The following PCSK2 variants were observed in gnomAD, a reference collection of about 807,000 sequenced individuals.
PCSK2 encodes the protein proprotein convertase subtilisin/kexin type 2.
A neutral mutation model predicts 69.7 loss-of-function variants in PCSK2; 14 were observed. The observed-to-expected ratio is 0.20, with a 90% confidence interval of 0.13 to 0.31. The LOEUF is 0.31. Among genes scored for constraint, PCSK2 ranks in the 10% least tolerant of loss-of-function variants. PCSK2 has a pLI of 1.00. For missense variants in PCSK2, 544 were observed against 842.5 expected, an observed-to-expected ratio of 0.65 and a Z score of 4.39; for synonymous variants, 307 against 320.7, an observed-to-expected ratio of 0.96 and a Z score of 0.46.
intron 2 of PCSK2, among the ~76,000 whole-genome samples, chr20:17,355,438 A>T (rs1234675243): frequency 6.6e-6 from 1 of 152,180 alleles, no homozygotes; most frequent in African/African-American, 2.4e-5. Context: ...AGTAGAGCAG[A>T]TAAAGGCCTC....
chr20:17,403,489 T>G (rs1005137813), intron 5 of PCSK2, among the ~76,000 whole-genome samples: 1 of 152,220 alleles, frequency 6.6e-6, no homozygotes, highest in African/African-American at 2.4e-5. Context: ...TGGACTGGGC[T>G]ATTTTGCTTC....
At chr20:17,336,444 G>A (rs545073000) in intron 2 of PCSK2, among the ~76,000 whole-genome samples, 5 of 152,278 alleles carry the variant, frequency 3.3e-5, no homozygotes, top group African/African-American at 2.4e-5. Context: ...AGCACTGTGC[G>A]AATGTCACTG....
In PCSK2 at chr20:17,227,112, G is replaced by C. The variant is rs1053164780; in HGVS notation, c.-194G>C. 5.6e-5 allele frequency: 31 copies of C among 555,776 alleles called. No homozygotes were observed. The highest frequency in any genetic ancestry group is 3.9e-4 in the African/African-American group (21 of 53,244). The allele number at this position is 555,776 out of a possible 1,614,324, so 34.4% of individuals were successfully genotyped here. On this transcript the variant is annotated 5_prime_UTR_variant, in exon 1 of 12. Transcript: ENST00000262545. ...CGCGCGCCGGGCCGCCTGACTGCAC[G>C]GCTTCCCCTCCAGCCAGATGCTGGA... is the stretch of plus-strand genomic sequence containing the variant.
At chr20:17,238,565 G>A (rs774360815) in intron 1 of PCSK2, among the ~76,000 whole-genome samples, 7 of 151,984 alleles carry the variant, frequency 4.6e-5, no homozygotes, top group African/African-American at 9.7e-5. Flanking sequence ...GCTCATTGGC[G>A]GTGGTTTAGA....
chr20:17,433,241 T>C (rs2032405006), intron 7 of PCSK2, among the ~76,000 whole-genome samples: 1 of 152,248 alleles, frequency 6.6e-6, no homozygotes, highest in Non-Finnish European at 1.5e-5. Flanking sequence ...CTTTCACATA[T>C]TATTATCACT....
intron 2 of PCSK2, among the ~76,000 whole-genome samples, chr20:17,355,585 A>G (rs958973108): frequency 2.0e-5 from 3 of 152,186 alleles, no homozygotes; most frequent in African/African-American, 7.2e-5. Context: ...TTCCAGGTGG[A>G]GAACTATACA....
intron 2 of PCSK2, among the ~76,000 whole-genome samples, chr20:17,282,010 C>T (rs1568583753): frequency 6.6e-6 from 1 of 152,142 alleles, no homozygotes; most frequent in Non-Finnish European, 1.5e-5. Flanking sequence ...TTCACACAAT[C>T]CATAACAGTT....
intron 2 of PCSK2, among the ~76,000 whole-genome samples, chr20:17,292,836 T>G (rs1403793382): frequency 6.6e-6 from 1 of 152,130 alleles, no homozygotes; most frequent in Non-Finnish European, 1.5e-5. Context: ...TTTTTTTTTA[T>G]TTTTGTTTGA....
chr20:17,240,468 A>C (rs960876804), intron 1 of PCSK2, among the ~76,000 whole-genome samples: 1 of 152,120 alleles, frequency 6.6e-6, no homozygotes, highest in African/African-American at 2.4e-5. Flanking sequence ...TAGACCAAGC[A>C]TGCTTCCACT....
intron 2 of PCSK2, among the ~76,000 whole-genome samples, chr20:17,311,310 G>GA (rs796544012): frequency 9.9e-5 from 15 of 152,040 alleles, no homozygotes; most frequent in South Asian, 4.2e-4. Context: ...TCCTGTTTCC[G>GA]AAAAAAATTC....
At chr20:17,340,301 C>CTA (rs140731) in intron 2 of PCSK2, among the ~76,000 whole-genome samples, 140,091 of 152,152 alleles carry the variant, frequency 0.92, 64,590 homozygotes, top group Middle Eastern at 0.96. Flanking sequence ...CCCAAACTAA[C>CTA]TAGCTTTATT....
chr20:17,416,961 G>A (rs958186292), intron 6 of PCSK2, among the ~76,000 whole-genome samples: 1 of 152,102 alleles, frequency 6.6e-6, no homozygotes, highest in Admixed American at 6.5e-5. Flanking sequence ...TCATAGGTGG[G>A]AATTGAACAA....
intron 2 of PCSK2, among the ~76,000 whole-genome samples, chr20:17,339,549 T>C (rs1990450517): frequency 6.6e-6 from 1 of 152,170 alleles, no homozygotes; most frequent in Non-Finnish European, 1.5e-5. Context: ...GAATTTTGTC[T>C]CTATCACTGC....
At chr20:17,439,914 G>T (rs776013365) in intron 8 of PCSK2, among the ~76,000 whole-genome samples, 1 of 152,174 alleles carries the variant, frequency 6.6e-6, no homozygotes, top group East Asian at 1.9e-4. Flanking sequence ...CAGCTGTCAC[G>T]GGTCCCAGGG....
At chr20:17,465,069 C>T in intron 10 of PCSK2, 1 of 500,968 alleles carries the variant, frequency 2.0e-6, no homozygotes, top group South Asian at 2.5e-5. Context: ...TTTAGCCATT[C>T]CGGTGTGTGT....
At position 17,453,867 on chromosome 20, in the gene PCSK2, C is replaced by T. The variant is rs1020319388; in HGVS notation, c.1011C>T (p.Asp337=). Residue 337 remains aspartate, a synonymous_variant, in exon 9 of 12, where the codon GAC becomes GAT. Transcript: ENST00000262545. The surrounding 1 kb of genome is among the most constrained non-coding windows in gnomAD (Gnocchi z 4.0). ...TCTCCATCAACTCAGCCATCAACGA[C>T]GGCAGGACTGCCCTGTACGACGAGA... ...WTISINSAIN[D]GRTALYDESC... The T allele has an allele frequency of 2.5e-6, 4 of 1,614,134 alleles. No individual in the cohort carries two copies. Among genetic ancestry groups the T allele is most frequent in the Admixed American group, 3.3e-5 (2 of 60,008 alleles).
At chr20:17,330,497 G>A (rs1318542620) in intron 2 of PCSK2, among the ~76,000 whole-genome samples, 2 of 152,230 alleles carry the variant, frequency 1.3e-5, no homozygotes, top group East Asian at 3.9e-4. Context: ...AGGAGGCTGA[G>A]GCAGGAGAAT....
intron 11 of PCSK2, among the ~76,000 whole-genome samples, chr20:17,466,987 A>G (rs1265183350): frequency 2.6e-5 from 4 of 152,200 alleles, no homozygotes; most frequent in Non-Finnish European, 4.4e-5. Flanking sequence ...TACCTTGAGA[A>G]TACACCTCCG....
intron 1 of PCSK2, among the ~76,000 whole-genome samples, chr20:17,242,804 C>A (rs569609690): frequency 1.3e-5 from 2 of 152,224 alleles, no homozygotes; most frequent in Non-Finnish European, 2.9e-5. Flanking sequence ...TGAAAAGCAT[C>A]TGTTTAAGGA....
Sources: gnomAD v4.1 joint callset for allele counts (sites outside exome capture counted in the v4.1 genomes callset) on GRCh38, gnomAD v4.1.1 for gene constraint, Gnocchi (gnomAD v3.1) non-coding constraint, MANE v1.5 for transcripts, NCBI Gene and HGNC (gene_info 2026-07-23, HGNC 2026-07-21) for gene names.